SIM1: variants seen among roughly 807,000 people sequenced by gnomAD.
The protein encoded by SIM1 is SIM bHLH transcription factor 1.
In SIM1, 18 loss-of-function variants were observed where a neutral mutation model predicts 78.2. The observed-to-expected ratio is 0.23, with a 90% CI of 0.16 to 0.34. The LOEUF (loss-of-function observed/expected upper bound fraction) is 0.34, where lower values mean the gene tolerates loss of function less well. Ranked by LOEUF, SIM1 falls within the 10% of genes least tolerant of loss-of-function variation. The pLI is 1.00. For missense variants in SIM1, 939 were observed against 975.1 expected, an observed-to-expected ratio of 0.96 and a Z score of 0.49; for synonymous variants, 417 against 385.2, an observed-to-expected ratio of 1.08 and a Z score of -0.97.
chr6:100,424,887 G>A (rs768699720), intron 9 of SIM1, among the ~76,000 whole-genome samples: 44 of 152,220 alleles, frequency 2.9e-4, no homozygotes, highest in Non-Finnish European at 5.1e-4. Flanking sequence ...CAGAACAATA[G>A]TTTCACTTTG....
At chr6:100,451,094 C>A (rs1014364338) in intron 3 of SIM1, among the ~76,000 whole-genome samples, 7 of 152,168 alleles carry the variant, frequency 4.6e-5, no homozygotes, top group Non-Finnish European at 7.3e-5. Context: ...AGGAGTCAGA[C>A]CCTGCTTTCA....
At chr6:100,415,651 G>A (rs1165315549) in intron 10 of SIM1, among the ~76,000 whole-genome samples, 2 of 152,148 alleles carry the variant, frequency 1.3e-5, no homozygotes, top group Non-Finnish European at 2.9e-5. Context: ...GGGACCTAAA[G>A]TTTCATCTAT....
At chr6:100,450,843 C>A (rs370355989) in intron 3 of SIM1, among the ~76,000 whole-genome samples, 4 of 152,012 alleles carry the variant, frequency 2.6e-5, no homozygotes, top group African/African-American at 7.2e-5. Flanking sequence ...GAAGGGCTGG[C>A]AGTCAAAAGT....
chr6:100,398,209 A>G (rs564662733), intron 10 of SIM1, among the ~76,000 whole-genome samples: 1 of 152,306 alleles, frequency 6.6e-6, no homozygotes, highest in Admixed American at 6.5e-5. Flanking sequence ...AAATATTTAT[A>G]GCAGCTACCT....
chr6:100,440,334 C>T (rs1582309754), intron 9 of SIM1, among the ~76,000 whole-genome samples: 3 of 152,288 alleles, frequency 2.0e-5, no homozygotes, highest in Non-Finnish European at 4.4e-5. Flanking sequence ...GCCCATCTGG[C>T]ACTAAAGCCC....
intron 10 of SIM1, among the ~76,000 whole-genome samples, chr6:100,412,577 AAGAAAGAAAGAAAG>A (rs1771228124): frequency 8.9e-6 from 1 of 112,518 alleles, no homozygotes; most frequent in Non-Finnish European, 1.9e-5. Flanking sequence ...GAAAGAAAGA[AAGAAAGAAAGAAAG>A]AAAGAAAGAA....
chr6:100,453,923 T>C, intron 2 of SIM1, 79 bp from the exon 3 acceptor site: 2 of 1,057,020 alleles, frequency 1.9e-6, no homozygotes, highest in South Asian at 1.5e-5. Context: ...CGCGACTGTA[T>C]TACCCGAGTG....
intron 2 of SIM1, among the ~76,000 whole-genome samples, chr6:100,454,692 G>A (rs1489905767): frequency 6.6e-6 from 1 of 151,970 alleles, no homozygotes; most frequent in Non-Finnish European, 1.5e-5. Context: ...GTGTTTCCCC[G>A]TTAAGATCTT....
chr6:100,412,736 A>G (rs1320293541), intron 10 of SIM1, among the ~76,000 whole-genome samples: 1 of 145,258 alleles, frequency 6.9e-6, no homozygotes, highest in Non-Finnish European at 1.5e-5. Flanking sequence ...AGAAAGAAAG[A>G]AAGAAAGAAA....
intron 2 of SIM1, among the ~76,000 whole-genome samples, chr6:100,454,904 A>G (rs971462048): frequency 6.6e-6 from 1 of 152,208 alleles, no homozygotes; most frequent in Non-Finnish European, 1.5e-5. Flanking sequence ...TGCTGCTGCT[A>G]AAATTATTTT....
chr6:100,412,556 AAAGAAAG>A (rs1562239365), intron 10 of SIM1, among the ~76,000 whole-genome samples: 371 of 5,400 alleles, frequency 0.069, 18 homozygotes, highest in African/African-American at 0.16. Flanking sequence ...GAAAGAAAGA[AAAGAAAG>A]AAAGAAAGAA....
At chr6:100,412,729 AAGAAAGAAAGAAAGAAAG>A in intron 10 of SIM1, among the ~76,000 whole-genome samples, 1 of 141,038 alleles carries the variant, frequency 7.1e-6, no homozygotes, top group Admixed American at 7.1e-5. Context: ...GAAAGAAAGA[AAGAAAGAAAGAAAGAAAG>A]AAAGAAAAAA....
intron 2 of SIM1, 110 bp downstream of exon 2, chr6:100,463,184 A>T (rs1562067022): frequency 1.0e-6 from 1 of 984,438 alleles, no homozygotes; most frequent in South Asian, 1.9e-5. Context: ...CCTTTGCAAA[A>T]TATATATGTA....
rs761537612 is a variant in SIM1, at chr6:100,393,820, C to G, written c.1237G>C (p.Asp413His). ...DSQWGGSPLT[D>H]TASPQLLDPA... is the part of the protein sequence containing the mutation. ...TCCAGAAGCTGCGGAGAGGCCGTGT[C>G]GGTCAAGGGACTTCCGCCCCACTGG... The change falls in exon 11 of 12, where the codon GAC becomes CAC. Residue 413 changes from aspartate to histidine, a missense_variant. Physicochemically the swap from Asp to His is moderately conservative, Grantham distance 81. This residue lies in a region of SIM1 where 556 missense variants were observed against 521.9 expected (regional missense o/e 1.07). Transcript: ENST00000369208. The G allele has an allele frequency of 3.1e-6, 5 of 1,610,920 alleles. No homozygotes were observed. Among genetic ancestry groups the G allele is most frequent in the South Asian group, 2.2e-5 (2 of 90,696 alleles).
At chr6:100,421,016 T>A in intron 9 of SIM1, 58 bp from the exon 10 acceptor site, 2 of 1,542,654 alleles carry the variant, frequency 1.3e-6, no homozygotes, top group Non-Finnish European at 1.8e-6. Context: ...GATTCATGCA[T>A]ACTCTCATCA....
Position 100,391,764 on chromosome 6 carries a change from T to C in SIM1, c.1571-673A>G, listed in dbSNP as rs918403487. ...TGGATATAACTGAAGATTATAGATA[T>C]AGATACAATCTTGTCCAAATAAAAA... On this transcript the variant is annotated intron_variant, in intron 11 of 11. Transcript: ENST00000369208. Among the ~76,000 whole-genome samples, 3 of 152,220 alleles carry C rather than the reference T, an allele frequency of 2.0e-5. No individual in the cohort carries two copies. In the East Asian group the frequency reaches 5.8e-4, roughly 29 times the overall value.
intron 9 of SIM1, among the ~76,000 whole-genome samples, chr6:100,442,268 A>C (rs923071095): frequency 2.6e-5 from 4 of 152,234 alleles, no homozygotes; most frequent in African/African-American, 9.6e-5. Flanking sequence ...TGTATGAAGA[A>C]TAAGATTATT....
intron 9 of SIM1, among the ~76,000 whole-genome samples, chr6:100,435,395 A>T (rs1772017452): frequency 6.6e-6 from 1 of 152,220 alleles, no homozygotes; most frequent in Non-Finnish European, 1.5e-5. Flanking sequence ...TGGATGCTGG[A>T]GTCCAGACCC....
At chr6:100,419,217 T>C (rs1485466790) in intron 10 of SIM1, among the ~76,000 whole-genome samples, 1 of 152,150 alleles carries the variant, frequency 6.6e-6, no homozygotes, top group Non-Finnish European at 1.5e-5. Context: ...TTGACTAAAA[T>C]ATATATTTTA....
Sources: allele counts gnomAD v4.1 joint callset (sites outside exome capture counted in the v4.1 genomes callset), GRCh38; gene constraint gnomAD v4.1.1; regional missense constraint gnomAD v4.1.1; transcripts MANE v1.5; gene names NCBI Gene and HGNC (gene_info 2026-07-23, HGNC 2026-07-21).